MED20: variants seen among roughly 807,000 people sequenced by gnomAD.
The protein encoded by MED20 is mediator complex subunit 20, also known as mediator of RNA polymerase II transcription subunit 20.
MED20 carries 19 observed loss-of-function variants against 19.7 expected under a neutral mutation model. That is an observed-to-expected ratio of 0.96 (90% CI 0.67 to 1.42). The LOEUF (loss-of-function observed/expected upper bound fraction) is 1.42. Ranked by LOEUF, MED20 falls within the 40% of genes most tolerant of loss-of-function variation. The pLI, the probability that MED20 is intolerant of heterozygous loss-of-function variation, is 0.00. For missense variants in MED20, 225 were observed against 273.0 expected (o/e 0.82, Z 1.24); for synonymous variants, 105 against 104.8 (o/e 1.00, Z -0.01).
intron 2 of MED20, among the ~76,000 whole-genome samples, chr6:41,912,123 A>G (rs1775209243): frequency 6.7e-6 from 1 of 149,338 alleles, no homozygotes; most frequent in African/African-American, 2.5e-5. Flanking sequence ...AACACAGCTC[A>G]CTGAAGCCTC....
intron 1 of MED20, among the ~76,000 whole-genome samples, chr6:41,919,633 T>C (rs796244519): frequency 5.3e-5 from 8 of 152,250 alleles, no homozygotes; most frequent in African/African-American, 1.9e-4. Flanking sequence ...CCTTCTCCAT[T>C]TAAAGAGCAG....
chr6:41,906,132 A>G lies in MED20; in HGVS notation c.*940T>C, dbSNP rs1775039616. ...TCCCTGAGTTTTAACTCAGCACATG[A>G]CTGCCCAGATAAGAGGTTCTATGTC... On this transcript the variant is annotated 3_prime_UTR_variant, in exon 4 of 4. Transcript: ENST00000265350. 1 of 152,218 alleles carries G rather than the reference A, an allele frequency of 6.6e-6. No individual in the cohort carries two copies. The highest frequency in any genetic ancestry group is 6.5e-5 in the Admixed American group (1 of 15,282). The allele number at this position is 152,218 out of a possible 1,614,324, so 9.4% of individuals were successfully genotyped here.
At chr6:41,907,834 T>G (rs1775095584) in intron 3 of MED20, among the ~76,000 whole-genome samples, 1 of 152,178 alleles carries the variant, frequency 6.6e-6, no homozygotes. Flanking sequence ...TCTGCTCTCT[T>G]AATTTTTTAC....
intron 1 of MED20, chr6:41,917,921 G>GAAAAAAA: frequency 6.2e-6 from 2 of 321,548 alleles, no homozygotes; most frequent in Admixed American, 3.9e-5. Context: ...ACAGCCCTAG[G>GAAAAAAA]AACAAAAAAA....
chr6:41,906,797 G>A lies in MED20; in HGVS notation c.*275C>T. On this transcript the variant is annotated 3_prime_UTR_variant, in exon 4 of 4. Transcript: ENST00000265350. The stretch of plus-strand genomic sequence containing the variant: ...CTACCTTTCCCCTAAAGGAGGCAAG[G>A]TCCAAACTTCTCCACTCTTCATAAT... The A allele has an allele frequency of 2.3e-6, 1 of 431,546 alleles. No individual in the cohort carries two copies. Among genetic ancestry groups the A allele is most frequent in the Admixed American group, 3.5e-5 (1 of 28,512 alleles). The allele number at this position is 431,546 out of a possible 1,614,324, so 26.7% of individuals were successfully genotyped here.
chr6:41,909,172 T>G (rs1336993074), intron 3 of MED20, 97 bp downstream of exon 3: 1 of 1,253,196 alleles, frequency 8.0e-7, no homozygotes, highest in Non-Finnish European at 1.1e-6. Context: ...AGACTCTGTC[T>G]CAAAAAAAAA....
chr6:41,909,035 AT>A, intron 3 of MED20: 2 of 523,478 alleles, frequency 3.8e-6, no homozygotes, highest in Non-Finnish European at 6.6e-6. Context: ...AAAAAAAAAA[AT>A]TTAATTCGGT....
Position 41,907,164 on chromosome 6 carries a change from C to T in MED20, c.547G>A (p.Val183Ile), listed in dbSNP as rs1189139205. ...ACCATGGTATCTGCTGGGCCGTAGA[C>T]CGCATCATGTCTGTTCCCAAACACT... is the stretch of plus-strand genomic sequence containing the variant. ...PAVFGNRHDA[V>I]YGPADTMVQY... Residue 183 changes from valine to isoleucine, a missense_variant, in exon 4 of 4, where the codon GTC becomes ATC. Transcript: ENST00000265350. 6.2e-7 allele frequency: 1 copy of T among 1,614,110 alleles called. No homozygotes were observed. Among genetic ancestry groups the T allele is most frequent in the Non-Finnish European group, 8.5e-7 (1 of 1,180,034 alleles).
At chr6:41,920,897 CGAGGACATCTCCCTCAGCTCCCA>C in intron 1 of MED20, 85 bp downstream of exon 1, 1 of 1,438,046 alleles carries the variant, frequency 7.0e-7, no homozygotes, top group South Asian at 1.4e-5. Flanking sequence ...CTACACAACC[CGAGGACATCTCCCTCAGCTCCCA>C]GAGGACGGCG....
At chr6:41,920,561 G>C (rs943714514) in intron 1 of MED20, among the ~76,000 whole-genome samples, 10 of 152,034 alleles carry the variant, frequency 6.6e-5, no homozygotes, top group African/African-American at 2.2e-4. Context: ...GGGATAAAAA[G>C]TTTGCTTTGT....
chr6:41,906,929 C>T lies in MED20; in HGVS notation c.*143G>A, dbSNP rs1369854629. On this transcript the variant is annotated 3_prime_UTR_variant, in exon 4 of 4. Transcript: ENST00000265350. ...TTGGGGAGGGGACTCAGCCCCAGAA[C>T]AAAAGCCACAGCTGAGAACCAGAGA... The T allele has an allele frequency of 6.9e-6, 5 of 721,542 alleles. No individual in the cohort carries two copies. The Middle Eastern group carries it at 1.2e-3, about 172-fold the overall frequency. 44.7% of individuals were successfully genotyped at this position (721,542 alleles called of 1,614,324 possible).
chr6:41,918,407 G>A (rs1477604410), intron 1 of MED20, among the ~76,000 whole-genome samples: 3 of 152,096 alleles, frequency 2.0e-5, no homozygotes, highest in Non-Finnish European at 2.9e-5. Flanking sequence ...GGGAGGCTGA[G>A]GCAGGAGAAT....
In MED20 at chr6:41,906,818, A is replaced by G. The variant is rs1561933913; in HGVS notation, c.*254T>C. The G allele has an allele frequency of 2.1e-6, 1 of 481,684 alleles. No homozygotes were observed. Among genetic ancestry groups the G allele is most frequent in the Non-Finnish European group, 3.8e-6 (1 of 266,310 alleles). 29.8% of individuals were successfully genotyped at this position (481,684 alleles called of 1,614,324 possible). On this transcript the variant is annotated 3_prime_UTR_variant, in exon 4 of 4. Coordinates refer to ENST00000265350, the MANE Select transcript of MED20 (RefSeq NM_004275.5). Reference sequence around the variant, plus strand: ...CAAGGTCCAAACTTCTCCACTCTTCATAATTACCATTCTTGAGGACAGGCC... The same window carrying G: ...CAAGGTCCAAACTTCTCCACTCTTCGTAATTACCATTCTTGAGGACAGGCC...
At chr6:41,919,837 A>G (rs535944024) in intron 1 of MED20, among the ~76,000 whole-genome samples, 23 of 152,312 alleles carry the variant, frequency 1.5e-4, no homozygotes, top group Non-Finnish European at 3.4e-4. Context: ...CATTCCTCAC[A>G]TATCTTGCTT....
chr6:41,909,268 C>A lies in MED20; in HGVS notation c.423+1G>T. 6.2e-7 allele frequency: 1 copy of A among 1,613,704 alleles called. No homozygotes were observed. Among genetic ancestry groups the A allele is most frequent in the South Asian group, 1.1e-5 (1 of 91,076 alleles). On this transcript the variant is annotated splice_donor_variant, in intron 3 of 3. Transcript: ENST00000265350. LOFTEE classifies it high-confidence loss of function. ...TGCTCCTATTTTCACCAAGGTCTTA[C>A]CTCCACAGAGATGCCCCGGGCACTG...
chr6:41,908,543 T>C (rs1475237845), intron 3 of MED20, among the ~76,000 whole-genome samples: 1 of 152,218 alleles, frequency 6.6e-6, no homozygotes, highest in East Asian at 1.9e-4. Flanking sequence ...CTTCCCAACC[T>C]ATCTTAAAGC....
At chr6:41,918,632 T>C (rs187808763) in intron 1 of MED20, among the ~76,000 whole-genome samples, 2 of 150,582 alleles carry the variant, frequency 1.3e-5, no homozygotes, top group East Asian at 4.0e-4. Flanking sequence ...GCTAACACGG[T>C]GAAACCCCGT....
intron 3 of MED20, among the ~76,000 whole-genome samples, chr6:41,907,995 C>T (rs371473730): frequency 6.6e-6 from 1 of 152,206 alleles, no homozygotes; most frequent in East Asian, 1.9e-4. Flanking sequence ...TATCACAAGC[C>T]GAAAGGGTTA....
Position 41,921,024 on chromosome 6 carries a change from C to A in MED20, c.-6G>T, listed in dbSNP as rs183725849. The A allele has an allele frequency of 1.6e-4, 255 of 1,613,004 alleles. 3 individuals carry two copies. The East Asian group carries it at 4.8e-3, about 30-fold the overall frequency. On this transcript the variant is annotated 5_prime_UTR_variant, in exon 1 of 4. Coordinates refer to ENST00000265350, the MANE Select transcript of MED20 (RefSeq NM_004275.5). ...TCCTACCAAGTCACTCCCATGGCGT[C>A]GGGCCAGGAAGGTGGCAGAATCACA...
Sources: gnomAD v4.1 joint callset for allele counts (sites outside exome capture counted in the v4.1 genomes callset) on GRCh38, gnomAD v4.1.1 for gene constraint, MANE v1.5 for transcripts, NCBI Gene and HGNC (gene_info 2026-07-23, HGNC 2026-07-21) for gene names.